The following FAM135B variants were observed in gnomAD, a reference collection of about 807,000 sequenced individuals.
The protein encoded by FAM135B is family with sequence similarity 135 member B, also known as protein FAM135B.
Under a neutral mutation model 127.7 loss-of-function variants are expected in FAM135B, and 43 were observed. That is an observed-to-expected ratio of 0.34 (90% confidence interval 0.26 to 0.43). FAM135B has a LOEUF of 0.43. FAM135B is among the 20% of genes least tolerant of loss of function. The pLI, the probability that FAM135B is intolerant of heterozygous loss-of-function variation, is 1.00. For synonymous variants in FAM135B, 670 were observed against 665.1 expected (o/e 1.01, Z -0.11); for missense variants, 1,558 against 1,725.6 (o/e 0.90, Z 1.72).
At chr8:138,345,612 T>C (rs755871844) in intron 2 of FAM135B, among the ~76,000 whole-genome samples, 32 of 152,212 alleles carry the variant, frequency 2.1e-4, no homozygotes, top group Non-Finnish European at 4.1e-4. Flanking sequence ...GACTCTGTGA[T>C]ATTAACTCAG....
At chr8:138,418,852 T>G (rs1282529223) in intron 1 of FAM135B, among the ~76,000 whole-genome samples, 1 of 83,006 alleles carries the variant, frequency 1.2e-5, no homozygotes, top group Non-Finnish European at 2.5e-5. Flanking sequence ...AAGGGAGTGC[T>G]AAACATAGAA....
rs528108343 is a variant in FAM135B at position 138,232,411 on chromosome 8, G to C, written c.669+10531C>G. 4.6e-5 allele frequency among the ~76,000 whole-genome samples: 7 copies of C among 152,196 alleles called. No homozygotes were observed. In the East Asian group the frequency reaches 1.4e-3, roughly 29 times the overall value. ...ATAAACTAGGGTGGTCTATAATTTA[G>C]CAATACTGTAGACCTTTGCATTAAA... is the stretch of plus-strand genomic sequence containing the variant. On this transcript the variant is annotated intron_variant, in intron 7 of 19. Coordinates refer to ENST00000395297, the MANE Select transcript of FAM135B (RefSeq NM_015912.4).
intron 1 of FAM135B, among the ~76,000 whole-genome samples, chr8:138,465,964 C>T (rs187534377): frequency 6.6e-6 from 1 of 152,130 alleles, no homozygotes; most frequent in Non-Finnish European, 1.5e-5. Flanking sequence ...TTAGTAGAGA[C>T]AGGGTTTCAC....
intron 7 of FAM135B, among the ~76,000 whole-genome samples, chr8:138,238,312 C>T (rs891194664): frequency 1.3e-5 from 2 of 152,204 alleles, no homozygotes; most frequent in African/African-American, 4.8e-5. Context: ...ATTTAATCCT[C>T]TCAGCAACCC....
intron 2 of FAM135B, among the ~76,000 whole-genome samples, chr8:138,311,244 A>C (rs895552081): frequency 6.6e-6 from 1 of 152,192 alleles, no homozygotes. Flanking sequence ...TTAGTCAAGA[A>C]AGGTTATTGT....
intron 1 of FAM135B, among the ~76,000 whole-genome samples, chr8:138,445,337 A>T (rs2131564127): frequency 6.6e-6 from 1 of 152,354 alleles, no homozygotes; most frequent in East Asian, 1.9e-4. Context: ...AAAGCCTGGC[A>T]GAGACACAAC....
rs572719808 is a variant in FAM135B at position 138,215,276 on chromosome 8, G to C, written c.670-17607C>G. 1.1e-4 allele frequency among the ~76,000 whole-genome samples: 17 copies of C among 152,234 alleles called. No homozygotes were observed. In the South Asian group the frequency reaches 3.3e-3, roughly 30 times the overall value. ...GGGAAAACTAATAGATTCCTGGTAGGGTGCTAGTGAAGAGCAAATTAGATA... is the reference window on the plus strand; with the variant it reads ...GGGAAAACTAATAGATTCCTGGTAGCGTGCTAGTGAAGAGCAAATTAGATA... On this transcript the variant is annotated intron_variant, in intron 7 of 19. Transcript: ENST00000395297.
Position 138,256,777 on chromosome 8 carries a change from T to G in FAM135B, c.298-18A>C. The G allele has an allele frequency of 1.2e-6, 2 of 1,607,650 alleles. No homozygotes were observed. The highest frequency in any genetic ancestry group is 1.7e-6 in the Non-Finnish European group (2 of 1,174,674). On this transcript the variant is annotated intron_variant, in intron 4 of 19. Transcript: ENST00000395297. ...TCTTCCATCTGCAAAAGAAACAAAG[T>G]CCAAGGGATTTCAGGAGTCAAATCT...
At chr8:138,433,559 AAATAAAT>A (rs1431052759) in intron 1 of FAM135B, among the ~76,000 whole-genome samples, 4 of 149,818 alleles carry the variant, frequency 2.7e-5, no homozygotes, top group Admixed American at 1.3e-4. Context: ...ATAAATAAAT[AAATAAAT>A]AAAATAATTT....
intron 2 of FAM135B, among the ~76,000 whole-genome samples, chr8:138,336,327 T>C (rs1828582684): frequency 6.6e-6 from 1 of 152,094 alleles, no homozygotes; most frequent in South Asian, 2.1e-4. Context: ...AGCTGGTTTT[T>C]TGAAAAGACC....
chr8:138,402,595 TGAAGATGATAAAACCAA>T (rs1356682495), intron 1 of FAM135B, among the ~76,000 whole-genome samples: 3 of 152,258 alleles, frequency 2.0e-5, no homozygotes, highest in Non-Finnish European at 4.4e-5. Context: ...TGCTCCCTGT[TGAAGATGATAAAACCAA>T]GATACAAAGA....
At chr8:138,179,870 G>A (rs994735556) in intron 9 of FAM135B, among the ~76,000 whole-genome samples, 3 of 151,958 alleles carry the variant, frequency 2.0e-5, no homozygotes, top group African/African-American at 7.3e-5. Context: ...TTGTAGAGAC[G>A]GGGTCTCACT....
At chr8:138,289,880 C>T (rs1292658235) in intron 3 of FAM135B, among the ~76,000 whole-genome samples, 1 of 152,168 alleles carries the variant, frequency 6.6e-6, no homozygotes, top group Non-Finnish European at 1.5e-5. Context: ...GCATCCAATA[C>T]TCAAGTGGCA....
intron 9 of FAM135B, among the ~76,000 whole-genome samples, chr8:138,186,830 A>G (rs1333913699): frequency 3.3e-5 from 5 of 152,202 alleles, no homozygotes; most frequent in South Asian, 2.1e-4. Context: ...TAACCCCTGA[A>G]TCTCCCACTA....
intron 4 of FAM135B, among the ~76,000 whole-genome samples, chr8:138,260,622 C>A (rs1338830166): frequency 6.6e-6 from 1 of 152,150 alleles, no homozygotes; most frequent in Non-Finnish European, 1.5e-5. Flanking sequence ...CTACATGATG[C>A]CTGCCAATGC....
chr8:138,158,498 A>G (rs979372423), intron 12 of FAM135B, among the ~76,000 whole-genome samples: 1 of 152,246 alleles, frequency 6.6e-6, no homozygotes, highest in Admixed American at 6.5e-5. Context: ...ATCAGAGTGA[A>G]CAGGCAACCT....
At chr8:138,483,540 G>C (rs1669439079) in intron 1 of FAM135B, among the ~76,000 whole-genome samples, 1 of 152,234 alleles carries the variant, frequency 6.6e-6, no homozygotes, top group South Asian at 2.1e-4. Flanking sequence ...GGTGGGGTTT[G>C]TACATGTGTT....
intron 7 of FAM135B, among the ~76,000 whole-genome samples, chr8:138,226,180 T>TGCGC (rs1281639798): frequency 3.9e-5 from 5 of 127,998 alleles, no homozygotes; most frequent in East Asian, 5.6e-4. Context: ...TGTGTGTGTG[T>TGCGC]GTGTGCGCGC....
At chr8:138,147,696 T>C (rs1817765225) in intron 14 of FAM135B, among the ~76,000 whole-genome samples, 1 of 152,170 alleles carries the variant, frequency 6.6e-6, no homozygotes, top group Non-Finnish European at 1.5e-5. Flanking sequence ...GATAATGTGA[T>C]CTATGGCTCC....
Sources: allele counts gnomAD v4.1 joint callset (sites outside exome capture counted in the v4.1 genomes callset), GRCh38; gene constraint gnomAD v4.1.1; transcripts MANE v1.5; gene names NCBI Gene and HGNC (gene_info 2026-07-23, HGNC 2026-07-21).